LMBRD1: variants seen among roughly 807,000 people sequenced by gnomAD.
LMBRD1 encodes the protein LMBR1 domain containing 1, also known as lysosomal cobalamin transport escort protein LMBD1.
In LMBRD1, 64 loss-of-function variants were observed where a neutral mutation model predicts 74.8. The ratio of observed to expected loss-of-function variants is 0.86; its 90% confidence interval spans 0.70 to 1.05. LMBRD1 has a LOEUF of 1.05. Among genes scored for constraint, LMBRD1 ranks in the 50% least tolerant of loss-of-function variants. LMBRD1 has a pLI of 0.00. For synonymous variants in LMBRD1, 204 were observed against 216.3 expected (o/e 0.94, Z 0.50); for missense variants, 652 against 645.9 (o/e 1.01, Z -0.10).
chr6:69,714,605 A>G (rs1766452151), intron 8 of LMBRD1, among the ~76,000 whole-genome samples: 1 of 152,180 alleles, frequency 6.6e-6, no homozygotes, highest in Admixed American at 6.6e-5. Context: ...TTTAAAGTGT[A>G]GATATATTAG....
intron 5 of LMBRD1, chr6:69,746,799 G>T: frequency 5.8e-6 from 1 of 172,904 alleles, no homozygotes; most frequent in Non-Finnish European, 1.3e-5. Flanking sequence ...AATGAATTTG[G>T]CTACAGCAAC....
rs748201410 is a variant in LMBRD1, at chr6:69,695,184, TTTTTCTTCAATC to T, written c.1417+2367_1417+2378del. Among the ~76,000 whole-genome samples the T allele has an allele frequency of 3.0e-4, 46 of 151,840 alleles. No homozygotes were observed. The South Asian group carries it at 8.3e-3, about 27-fold the overall frequency. On this transcript the variant is annotated intron_variant, in intron 14 of 15. Transcript: ENST00000649934. ...GGTCTATCATTCATCCTTTCTGACA[TTTTTCTTCAATC>T]TTTCCTGCTCCACTAGTTCCATCCC...
intron 9 of LMBRD1, among the ~76,000 whole-genome samples, chr6:69,706,991 G>A (rs540925850): frequency 3.5e-4 from 54 of 152,254 alleles, no homozygotes; most frequent in African/African-American, 1.2e-3. Context: ...ACCAAGAGTA[G>A]GGCTATGTTC....
chr6:69,680,059 C>T (rs1381133617), intron 14 of LMBRD1, among the ~76,000 whole-genome samples: 1 of 152,070 alleles, frequency 6.6e-6, no homozygotes, highest in African/African-American at 2.4e-5. Context: ...ACAGTTGAAA[C>T]AGACACAAAT....
In LMBRD1 at chr6:69,713,761, G is replaced by A. The variant is rs754138523; in HGVS notation, c.799C>T (p.Arg267Cys). Residue 267 changes from arginine (R) to cysteine (C), a missense_variant, in exon 9 of 16, where the codon CGC becomes TGC. Arg to Cys is a radical substitution (Grantham distance 180). Around this residue, in one of 3 missense-constraint regions of LMBRD1, gnomAD observed 598 missense variants for 581.8 expected, o/e 1.03. Coordinates refer to ENST00000649934, the MANE Select transcript of LMBRD1 (RefSeq NM_018368.4). ...DGRPLPARDKRALKQFEERLR... is the reference protein window; with the variant it reads ...DGRPLPARDKCALKQFEERLR... ...CTTTCTTCAAATTGTTTTAAGGCGC[G>A]TTTATCCCTTGCTGGCAAAGGTCGA... 3.7e-6 allele frequency: 6 copies of A among 1,613,440 alleles called. No individual in the cohort carries two copies. The highest frequency in any genetic ancestry group is 2.2e-5 in the East Asian group (1 of 44,866).
At chr6:69,683,638 A>G (rs1394272701) in intron 14 of LMBRD1, among the ~76,000 whole-genome samples, 1 of 152,086 alleles carries the variant, frequency 6.6e-6, no homozygotes, top group Non-Finnish European at 1.5e-5. Context: ...AGAAATGTAT[A>G]GTATTTAACC....
chr6:69,790,284 G>A lies in LMBRD1; in HGVS notation c.246+12C>T. The A allele has an allele frequency of 6.3e-7, 1 of 1,577,228 alleles. No homozygotes were observed. Among genetic ancestry groups the A allele is most frequent in the Non-Finnish European group, 8.7e-7 (1 of 1,147,672 alleles). ...AAAGGAAAAAAAATCTGCAAAGTAA[G>A]ATTATATTTACCTTAAATGTACCAT... On this transcript the variant is annotated intron_variant, in intron 2 of 15. Transcript: ENST00000649934.
At chr6:69,743,322 C>T (rs1389247286) in intron 5 of LMBRD1, among the ~76,000 whole-genome samples, 2 of 152,084 alleles carry the variant, frequency 1.3e-5, no homozygotes, top group Non-Finnish European at 2.9e-5. Context: ...CTAAAAATAG[C>T]ATTCATCTCA....
intron 6 of LMBRD1, among the ~76,000 whole-genome samples, chr6:69,741,120 C>G (rs1767092084): frequency 6.6e-6 from 1 of 151,966 alleles, no homozygotes; most frequent in Non-Finnish European, 1.5e-5. Context: ...AAAATAAAAT[C>G]TAATATATCC....
intron 7 of LMBRD1, among the ~76,000 whole-genome samples, chr6:69,720,232 A>G (rs1365724597): frequency 6.6e-6 from 1 of 152,190 alleles, no homozygotes; most frequent in African/African-American, 2.4e-5. Context: ...CCTGAAATCA[A>G]CTAGTTCTAT....
chr6:69,782,330 C>G (rs1176820512), intron 2 of LMBRD1, among the ~76,000 whole-genome samples: 2 of 152,184 alleles, frequency 1.3e-5, no homozygotes, highest in East Asian at 3.9e-4. Flanking sequence ...CTAAGAGACC[C>G]AAAGTCTCCA....
At chr6:69,717,211 T>C (rs922666798) in intron 8 of LMBRD1, among the ~76,000 whole-genome samples, 1 of 152,186 alleles carries the variant, frequency 6.6e-6, no homozygotes, top group Non-Finnish European at 1.5e-5. Context: ...TTATTAGTTC[T>C]ACTAGTTTGT....
At chr6:69,731,605 G>C (rs537096191) in intron 7 of LMBRD1, among the ~76,000 whole-genome samples, 1 of 151,996 alleles carries the variant, frequency 6.6e-6, no homozygotes, top group Non-Finnish European at 1.5e-5. Context: ...TGTAAAATAG[G>C]CTTGGTGTTA....
At chr6:69,794,008 C>T (rs576339799) in intron 1 of LMBRD1, among the ~76,000 whole-genome samples, 1 of 152,204 alleles carries the variant, frequency 6.6e-6, no homozygotes, top group South Asian at 2.1e-4. Flanking sequence ...GTGTGAGCCA[C>T]CACACCTGGC....
intron 8 of LMBRD1, among the ~76,000 whole-genome samples, chr6:69,714,013 T>C (rs1766440750): frequency 6.6e-6 from 1 of 152,130 alleles, no homozygotes; most frequent in East Asian, 1.9e-4. Context: ...ATGCCTACCT[T>C]CCTCTTGATC....
At position 69,738,004 on chromosome 6, in the gene LMBRD1, C is replaced by T; in HGVS notation, c.574G>A (p.Ala192Thr). The T allele has an allele frequency of 6.2e-7, 1 of 1,608,124 alleles. No individual in the cohort carries two copies. Among genetic ancestry groups the T allele is most frequent in the Non-Finnish European group, 8.5e-7 (1 of 1,176,140 alleles). ...EELGSSHGLAALSFSISSLTL... is the reference protein window; with the variant it reads ...EELGSSHGLATLSFSISSLTL... The stretch of plus-strand genomic sequence containing the variant: ...AGAGAACTGATAGAAAATGACAATG[C>T]AGCTAAACCATCTGTGAAGAAAGAA... Residue 192 changes from alanine (A) to threonine (T), a missense_variant, in exon 7 of 16, where the codon GCA becomes ACA. Physicochemically the swap from Ala to Thr is moderately conservative, Grantham distance 58 (BLOSUM62 0). Transcript: ENST00000649934.
chr6:69,788,659 A>C (rs552703940), intron 2 of LMBRD1, among the ~76,000 whole-genome samples: 12 of 152,370 alleles, frequency 7.9e-5, no homozygotes, highest in African/African-American at 2.9e-4. Flanking sequence ...AAAAGCAGAG[A>C]AAACCCAATG....
At chr6:69,762,093 C>T (rs1006560780) in intron 3 of LMBRD1, among the ~76,000 whole-genome samples, 4 of 152,206 alleles carry the variant, frequency 2.6e-5, no homozygotes, top group Admixed American at 2.0e-4. Flanking sequence ...AATTTGCCAA[C>T]TTGTAACTCA....
chr6:69,795,607 G>A (rs1766205914), intron 1 of LMBRD1, among the ~76,000 whole-genome samples: 1 of 152,098 alleles, frequency 6.6e-6, no homozygotes, highest in Non-Finnish European at 1.5e-5. Context: ...GACTGGAAAA[G>A]CCAGGGGGCT....
Sources: gnomAD v4.1 joint callset for allele counts (sites outside exome capture counted in the v4.1 genomes callset) on GRCh38, gnomAD v4.1.1 for gene constraint, gnomAD v4.1.1 regional missense constraint, MANE v1.5 for transcripts, NCBI Gene and HGNC (gene_info 2026-07-23, HGNC 2026-07-21) for gene names.